Variants in IL5RA observed in about 807,000 individuals in gnomAD.
The protein encoded by IL5RA is interleukin 5 receptor subunit alpha.
In IL5RA, 49 loss-of-function variants were observed where a neutral mutation model predicts 50.0. That is an observed-to-expected ratio of 0.98 (90% CI 0.78 to 1.24). The LOEUF (loss-of-function observed/expected upper bound fraction) is 1.24, where lower values mean the gene tolerates loss of function less well. Among genes scored for constraint, IL5RA ranks in the 50% most tolerant of loss-of-function variants. The pLI is 0.00. For synonymous variants in IL5RA, 202 were observed against 174.0 expected, an observed-to-expected ratio of 1.16 and a Z score of -1.26; for missense variants, 600 against 500.4, an observed-to-expected ratio of 1.20 and a Z score of -1.90.
At chr3:3,095,269 A>T (rs1367596669) in intron 8 of IL5RA, 30 bp downstream of exon 8, 1 of 1,512,716 alleles carries the variant, frequency 6.6e-7, no homozygotes, top group Non-Finnish European at 9.1e-7. Flanking sequence ...AATGTCTGTT[A>T]TCAAATATTG....
intron 9 of IL5RA, among the ~76,000 whole-genome samples, chr3:3,078,959 C>G (rs1702576385): frequency 6.6e-6 from 1 of 152,006 alleles, no homozygotes. Context: ...TTTCTTTTTC[C>G]AGCTTTATTT....
chr3:3,070,856 C>T (rs181590945), intron 11 of IL5RA, among the ~76,000 whole-genome samples: 13 of 152,230 alleles, frequency 8.5e-5, no homozygotes, highest in African/African-American at 3.1e-4. Flanking sequence ...GCTGGGATTA[C>T]AGGCATGAGC....
At chr3:3,099,228 G>A (rs976975866) in intron 5 of IL5RA, among the ~76,000 whole-genome samples, 1 of 152,166 alleles carries the variant, frequency 6.6e-6, no homozygotes, top group Non-Finnish European at 1.5e-5. Context: ...CAGGCACGGT[G>A]CTCATGCCTG....
At chr3:3,099,817 G>A (rs974847313) in intron 5 of IL5RA, among the ~76,000 whole-genome samples, 28 of 151,766 alleles carry the variant, frequency 1.8e-4, no homozygotes, top group South Asian at 2.1e-4. Context: ...TTACAGGCAC[G>A]TGCCACCACA....
Position 3,069,792 on chromosome 3 carries a change from C to T in IL5RA, c.*433G>A. On this transcript the variant is annotated 3_prime_UTR_variant, in exon 12 of 12. Transcript: ENST00000446632. Reference sequence around the variant, plus strand: ...GTTCATGGTTCACTCCAGGCTGATGCAAAATGCTTTCTTCCTCAGATGGTA... The same window carrying T: ...GTTCATGGTTCACTCCAGGCTGATGTAAAATGCTTTCTTCCTCAGATGGTA... 1 of 161,730 alleles carries T rather than the reference C, an allele frequency of 6.2e-6. No homozygotes were observed. The highest frequency in any genetic ancestry group is 1.3e-5 in the Non-Finnish European group (1 of 74,528). The allele number at this position is 161,730 out of a possible 1,614,324, so 10.0% of individuals were successfully genotyped here.
At chr3:3,073,718 T>G (rs1200742547) in intron 11 of IL5RA, 1 of 430,210 alleles carries the variant, frequency 2.3e-6, no homozygotes, top group Non-Finnish European at 4.6e-6. Context: ...GATGTCACTT[T>G]TCCCCAAATT....
At chr3:3,099,658 T>TTTATTA (rs10525244) in intron 5 of IL5RA, among the ~76,000 whole-genome samples, 46,378 of 144,034 alleles carry the variant, frequency 0.32, 7,718 homozygotes, top group Middle Eastern at 0.39. Flanking sequence ...TTTTATTTTA[T>TTTATTA]TTATTATTAT....
At position 3,067,384 on chromosome 3, in the gene IL5RA, A is replaced by ACC. The variant is rs1702162424; in HGVS notation, c.*2840_*2841insGG. The stretch of plus-strand genomic sequence containing the variant: ...TACAAGGTGCCGTATCAGGGCTGAC[A>ACC]GAGGGTTTAAGAAACATTTATATTT... On this transcript the variant is annotated 3_prime_UTR_variant, in exon 12 of 12. Coordinates refer to ENST00000446632, the MANE Select transcript of IL5RA (RefSeq NM_175726.4). 3 of 152,228 alleles carry ACC rather than the reference A, an allele frequency of 2.0e-5. No homozygotes were observed. The highest frequency in any genetic ancestry group is 4.4e-5 in the Non-Finnish European group (3 of 68,062). The allele number at this position is 152,228 out of a possible 1,614,324, so 9.4% of individuals were successfully genotyped here.
chr3:3,097,788 C>G (rs1703432518), intron 7 of IL5RA, 82 bp downstream of exon 7: 2 of 1,432,856 alleles, frequency 1.4e-6, no homozygotes, highest in South Asian at 1.4e-5. Flanking sequence ...AGCAGTAAAA[C>G]TAGGTGATCT....
chr3:3,083,464 T>C (rs1293875955), intron 9 of IL5RA, among the ~76,000 whole-genome samples: 1 of 152,240 alleles, frequency 6.6e-6, no homozygotes, highest in Non-Finnish European at 1.5e-5. Flanking sequence ...TATTTGTGTG[T>C]GCATTCAGGA....
chr3:3,086,762 G>A lies in IL5RA; in HGVS notation c.994+5462C>T, dbSNP rs183561850. Among the ~76,000 whole-genome samples the A allele has an allele frequency of 4.6e-5, 7 of 152,244 alleles. No homozygotes were observed. In the East Asian group the frequency reaches 9.6e-4, roughly 21 times the overall value. The stretch of plus-strand genomic sequence containing the variant: ...TCACTATATCAAAAAGACACCTAAC[G>A]TGCATGTTTATCACAGCACCATTCA... On this transcript the variant is annotated intron_variant, in intron 9 of 11. Transcript: ENST00000446632.
chr3:3,102,858 A>T (rs1559879274), intron 3 of IL5RA, 38 bp from the exon 4 acceptor site: 4 of 1,570,084 alleles, frequency 2.5e-6, no homozygotes, highest in Middle Eastern at 1.7e-4. Flanking sequence ...CACAATGTTC[A>T]ACTGGACATA....
chr3:3,107,889 A>C (rs1173189930), intron 2 of IL5RA, among the ~76,000 whole-genome samples: 2 of 152,238 alleles, frequency 1.3e-5, no homozygotes. Flanking sequence ...AGAACTGGTC[A>C]AATTCTACTG....
At position 3,067,862 on chromosome 3, in the gene IL5RA, C is replaced by G. The variant is rs1037419978; in HGVS notation, c.*2363G>C. ...TCTGAAGTGGGCACCACACCAAGCA[C>G]TGAAGAGCTGGCCACATTTGTGGAG... On this transcript the variant is annotated 3_prime_UTR_variant, in exon 12 of 12. Coordinates refer to ENST00000446632, the MANE Select transcript of IL5RA (RefSeq NM_175726.4). 2 of 152,310 alleles carry G rather than the reference C, an allele frequency of 1.3e-5. No individual in the cohort carries two copies. The highest frequency in any genetic ancestry group is 1.3e-4 in the Admixed American group (2 of 15,278). 9.4% of individuals were successfully genotyped at this position (152,310 alleles called of 1,614,324 possible).
At chr3:3,075,649 G>A (rs929197259) in intron 10 of IL5RA, among the ~76,000 whole-genome samples, 4 of 150,578 alleles carry the variant, frequency 2.7e-5, no homozygotes, top group Non-Finnish European at 4.4e-5. Context: ...CCCCCAGGCT[G>A]GAGTGCAATG....
chr3:3,093,523 G>A (rs996924212), intron 8 of IL5RA, among the ~76,000 whole-genome samples: 4 of 152,272 alleles, frequency 2.6e-5, no homozygotes, highest in African/African-American at 9.6e-5. Flanking sequence ...CCAATCTATG[G>A]TAGATTAGAC....
intron 5 of IL5RA, among the ~76,000 whole-genome samples, chr3:3,101,040 A>G (rs1010276905): frequency 6.6e-6 from 1 of 151,026 alleles, no homozygotes; most frequent in Non-Finnish European, 1.5e-5. Context: ...TTAGTCCAGC[A>G]TGGAGGCGCA....
At position 3,092,213 on chromosome 3, in the gene IL5RA, A is replaced by T. The variant is rs775233974; in HGVS notation, c.994+11T>A. The T allele has an allele frequency of 1.9e-6, 3 of 1,607,624 alleles. No homozygotes were observed. The highest frequency in any genetic ancestry group is 2.5e-6 in the Non-Finnish European group (3 of 1,178,276). On this transcript the variant is annotated intron_variant, in intron 9 of 11. Coordinates refer to ENST00000446632, the MANE Select transcript of IL5RA (RefSeq NM_175726.4). The surrounding 1 kb of genome is among the most constrained non-coding windows in gnomAD (Gnocchi z 4.2). ...AAGGCTGCCAATGTAAAATAAACAT[A>T]AGCTACTTACCCACATAAATAGGTT...
At chr3:3,096,277 TCAA>T (rs1399791949) in intron 7 of IL5RA, among the ~76,000 whole-genome samples, 1 of 53,774 alleles carries the variant, frequency 1.9e-5, no homozygotes, top group African/African-American at 7.0e-5. Flanking sequence ...GAAATCTGTC[TCAA>T]AAAAAAAAAA....
Sources: allele counts gnomAD v4.1 joint callset (sites outside exome capture counted in the v4.1 genomes callset), GRCh38; gene constraint gnomAD v4.1.1; non-coding constraint Gnocchi (gnomAD v3.1); transcripts MANE v1.5; gene names NCBI Gene and HGNC (gene_info 2026-07-23, HGNC 2026-07-21).